The following ETV1 variants were observed in gnomAD, a reference collection of about 807,000 sequenced individuals.
The protein encoded by ETV1 is ETS translocation variant 1.
A neutral mutation model predicts 62.3 loss-of-function variants in ETV1; 27 were observed. The observed-to-expected ratio is 0.43, with a 90% confidence interval of 0.32 to 0.60. ETV1 has a LOEUF of 0.60. Among genes scored for constraint, ETV1 ranks in the 20% least tolerant of loss-of-function variants. ETV1 has a pLI of 0.06. For missense variants in ETV1, 605 were observed against 605.8 expected, an observed-to-expected ratio of 1.00 and a Z score of 0.01; for synonymous variants, 222 against 199.6, an observed-to-expected ratio of 1.11 and a Z score of -0.94.
intron 9 of ETV1, 128 bp from the exon 10 acceptor site, chr7:13,911,435 T>C: frequency 1.6e-6 from 1 of 627,326 alleles, no homozygotes; most frequent in South Asian, 1.8e-5. Flanking sequence ...CATGTCAACA[T>C]ATAATCAACA....
At chr7:13,983,714 TA>T (rs35601993) in intron 5 of ETV1, among the ~76,000 whole-genome samples, 53 of 147,142 alleles carry the variant, frequency 3.6e-4, no homozygotes, top group Middle Eastern at 3.5e-3. Context: ...GTTTAGATGT[TA>T]AAAAAAAAAC....
At chr7:13,916,888 T>A (rs1404648880) in intron 9 of ETV1, among the ~76,000 whole-genome samples, 2 of 148,742 alleles carry the variant, frequency 1.3e-5, no homozygotes, top group Non-Finnish European at 3.0e-5. Context: ...GCCCAGATCA[T>A]ACTACTGCAC....
chr7:13,945,962 G>A (rs539075171), intron 6 of ETV1, among the ~76,000 whole-genome samples: 1 of 152,294 alleles, frequency 6.6e-6, no homozygotes, highest in Non-Finnish European at 1.5e-5. Flanking sequence ...CCAGCCTGCT[G>A]CCGAGGCTGC....
At chr7:13,978,231 G>T (rs972281592) in intron 5 of ETV1, among the ~76,000 whole-genome samples, 2 of 152,022 alleles carry the variant, frequency 1.3e-5, no homozygotes, top group African/African-American at 4.8e-5. Context: ...TTTTAGTCAA[G>T]GAAAAATACT....
chr7:13,986,058 A>ATT, intron 5 of ETV1: 2 of 1,107,482 alleles, frequency 1.8e-6, no homozygotes, highest in African/African-American at 3.1e-5. Context: ...CATTTTTAAA[A>ATT]TCCTCATATC....
intron 9 of ETV1, among the ~76,000 whole-genome samples, chr7:13,929,476 A>G (rs1178017088): frequency 6.6e-6 from 1 of 152,178 alleles, no homozygotes; most frequent in African/African-American, 2.4e-5. Flanking sequence ...CTGGAAGAGT[A>G]TGTGGTATGG....
chr7:13,970,134 G>A (rs1441770682), intron 6 of ETV1, among the ~76,000 whole-genome samples: 1 of 151,854 alleles, frequency 6.6e-6, no homozygotes, highest in Admixed American at 6.6e-5. Context: ...GGTGGCGGGC[G>A]CCTGTGGTCC....
chr7:13,938,682 T>A lies in ETV1; in HGVS notation c.365+435A>T, dbSNP rs558378887. Among the ~76,000 whole-genome samples the A allele has an allele frequency of 6.6e-4, 101 of 152,354 alleles. 2 individuals are homozygous for A. Among genetic ancestry groups the A allele is most frequent in the African/African-American group, 2.4e-3 (98 of 41,582 alleles). On this transcript the variant is annotated intron_variant, in intron 7 of 13. Coordinates refer to ENST00000430479, the MANE Select transcript of ETV1 (RefSeq NM_004956.5). Reference sequence around the variant, plus strand: ...TGCTAAGCCTTATGAAATTCCAGTTTTATTGCAATTGTCCATGAACTCATC... The same window carrying A: ...TGCTAAGCCTTATGAAATTCCAGTTATATTGCAATTGTCCATGAACTCATC...
chr7:13,894,618 T>C lies in ETV1; in HGVS notation c.*1248A>G, dbSNP rs559472760. On this transcript the variant is annotated 3_prime_UTR_variant, in exon 14 of 14. Coordinates refer to ENST00000430479, the MANE Select transcript of ETV1 (RefSeq NM_004956.5). ...CATAAAAGCTGCTTATAGCATAGCA[T>C]GGCGTAAGCTATTTTTTAAGCAATA... 4.3e-6 allele frequency: 1 copy of C among 232,754 alleles called. No homozygotes were observed. The highest frequency in any genetic ancestry group is 6.1e-5 in the East Asian group (1 of 16,350). The allele number at this position is 232,754 out of a possible 1,614,324, so 14.4% of individuals were successfully genotyped here.
chr7:13,896,823 A>C (rs1781894864), intron 13 of ETV1, among the ~76,000 whole-genome samples: 1 of 151,474 alleles, frequency 6.6e-6, no homozygotes, highest in Non-Finnish European at 1.5e-5. Context: ...TGAAAGATGG[A>C]TCAAAAGGAC....
chr7:13,968,770 G>T (rs1470341907), intron 6 of ETV1, among the ~76,000 whole-genome samples: 2 of 151,754 alleles, frequency 1.3e-5, no homozygotes, highest in Non-Finnish European at 2.9e-5. Flanking sequence ...GTGGCTCTGG[G>T]CCTAAAAGAT....
Position 13,931,612 on chromosome 7 carries a change from T to C in ETV1, c.692A>G (p.Tyr231Cys). 1.9e-6 allele frequency: 3 copies of C among 1,614,076 alleles called. No homozygotes were observed. In the South Asian group the frequency reaches 3.3e-5, roughly 18 times the overall value. The change falls in exon 9 of 14, where the codon TAC becomes TGC. Residue 231 changes from tyrosine (Y) to cysteine (C), a missense_variant. Physicochemically the swap from Tyr to Cys is radical, Grantham distance 194. Around this residue, in one of 3 missense-constraint regions of ETV1, gnomAD observed 426 missense variants for 377.8 expected, o/e 1.13. Coordinates refer to ENST00000430479, the MANE Select transcript of ETV1 (RefSeq NM_004956.5). ...GTTGTGTTCATACACTGGGTCGTGG[T>C]ACTCCTGCTTAAAGCCTTGTGGTGG... The part of the protein sequence containing the change: ...PFPPQGFKQE[Y>C]HDPVYEHNTM...
At chr7:13,952,575 G>A (rs1191704804) in intron 6 of ETV1, among the ~76,000 whole-genome samples, 1 of 152,150 alleles carries the variant, frequency 6.6e-6, no homozygotes, top group Non-Finnish European at 1.5e-5. Context: ...CATAATGCAC[G>A]TTAGAAAGAG....
intron 9 of ETV1, among the ~76,000 whole-genome samples, chr7:13,912,657 T>C (rs1421380896): frequency 1.3e-5 from 2 of 152,228 alleles, no homozygotes; most frequent in African/African-American, 2.4e-5. Flanking sequence ...TTACTATTTA[T>C]ACTCTAGTGT....
chr7:13,951,143 A>T (rs1370631196), intron 6 of ETV1, among the ~76,000 whole-genome samples: 1 of 152,052 alleles, frequency 6.6e-6, no homozygotes, highest in Non-Finnish European at 1.5e-5. Flanking sequence ...TATTTAACAC[A>T]TAGATAAGAA....
At chr7:13,896,802 C>G (rs961353144) in intron 13 of ETV1, among the ~76,000 whole-genome samples, 141 of 109,160 alleles carry the variant, frequency 1.3e-3, no homozygotes, top group African/African-American at 4.6e-3. Context: ...GGATACACAG[C>G]CTCATTTAAA....
chr7:13,909,284 C>T, intron 11 of ETV1, among the ~76,000 whole-genome samples: 1 of 152,132 alleles, frequency 6.6e-6, no homozygotes, highest in East Asian at 1.9e-4. Context: ...GTTTTCTGCT[C>T]TGCTTTGTTA....
At chr7:13,900,037 G>A (rs74512578) in intron 13 of ETV1, among the ~76,000 whole-genome samples, 2,426 of 152,292 alleles carry the variant, frequency 0.016, 77 homozygotes, top group African/African-American at 0.054. Flanking sequence ...GCTGAGGCAG[G>A]AGAACTGCTT....
At chr7:13,985,489 T>A (rs989687729) in intron 5 of ETV1, 2 of 152,218 alleles carry the variant, frequency 1.3e-5, no homozygotes, top group East Asian at 3.9e-4. Context: ...TTATTTTACA[T>A]GCTAACAGCA....
Sources: allele counts gnomAD v4.1 joint callset (sites outside exome capture counted in the v4.1 genomes callset), GRCh38; gene constraint gnomAD v4.1.1; regional missense constraint gnomAD v4.1.1; transcripts MANE v1.5; gene names NCBI Gene and HGNC (gene_info 2026-07-23, HGNC 2026-07-21).